The following CFAP299 variants were observed in gnomAD, a reference collection of about 807,000 sequenced individuals.
CFAP299 encodes cilia- and flagella-associated protein 299.
A neutral mutation model predicts 27.0 loss-of-function variants in CFAP299; 21 were observed. The ratio of observed to expected loss-of-function variants is 0.78; its 90% CI spans 0.55 to 1.12. The LOEUF is 1.12. Ranked by LOEUF, CFAP299 falls within the 50% of genes most tolerant of loss-of-function variation. CFAP299 has a pLI of 0.00. For synonymous variants in CFAP299, 104 were observed against 98.1 expected (o/e 1.06, Z -0.36); for missense variants, 310 against 276.6 (o/e 1.12, Z -0.86).
chr4:80,387,197 TG>T, intron 2 of CFAP299: 1 of 1,357,840 alleles, frequency 7.4e-7, no homozygotes, highest in Non-Finnish European at 1.1e-6. Flanking sequence ...GTGGGAGTAC[TG>T]GTGCACGCTC....
At chr4:80,867,488 C>T (rs997853338) in intron 3 of CFAP299, among the ~76,000 whole-genome samples, 1 of 152,170 alleles carries the variant, frequency 6.6e-6, no homozygotes, top group Non-Finnish European at 1.5e-5. Flanking sequence ...CTAAGGCTGA[C>T]ACTACAAAAT....
intron 2 of CFAP299, among the ~76,000 whole-genome samples, chr4:80,563,295 G>T (rs539952001): frequency 1.3e-5 from 2 of 152,078 alleles, no homozygotes; most frequent in East Asian, 1.9e-4. Context: ...CCATATGTTA[G>T]GTCACAAAAC....
chr4:80,622,806 A>G (rs1042528232), intron 3 of CFAP299, among the ~76,000 whole-genome samples: 3 of 152,176 alleles, frequency 2.0e-5, no homozygotes, highest in African/African-American at 7.2e-5. Flanking sequence ...GCTGACTCAC[A>G]TCATCTAAAA....
chr4:80,818,030 T>G (rs1729514202), intron 3 of CFAP299, among the ~76,000 whole-genome samples: 1 of 151,884 alleles, frequency 6.6e-6, no homozygotes. Context: ...CCAGTGTGAG[T>G]GTGGTAATTC....
intron 3 of CFAP299, among the ~76,000 whole-genome samples, chr4:80,598,772 G>A (rs1394602159): frequency 2.6e-5 from 4 of 152,150 alleles, no homozygotes; most frequent in South Asian, 2.1e-4. Flanking sequence ...ACTGCAAATC[G>A]TGTTTAAGCA....
At chr4:80,325,650 G>T in the CFAP299 span, among the ~76,000 whole-genome samples, 1 of 152,066 alleles carries the variant, frequency 6.6e-6, no homozygotes, top group Non-Finnish European at 1.5e-5. Context: ...CTGCCACATT[G>T]TTTCTTAGAA....
chr4:80,541,453 A>G, intron 2 of CFAP299, among the ~76,000 whole-genome samples: 1 of 152,332 alleles, frequency 6.6e-6, no homozygotes, highest in African/African-American at 2.4e-5. Context: ...TTGATGCAGT[A>G]TTATATATCA....
intron 3 of CFAP299, among the ~76,000 whole-genome samples, chr4:80,767,603 C>T (rs1222034299): frequency 1.3e-5 from 2 of 151,972 alleles, no homozygotes; most frequent in Non-Finnish European, 2.9e-5. Context: ...AGCGAGACTC[C>T]GTCTCAAAAA....
intron 3 of CFAP299, among the ~76,000 whole-genome samples, chr4:80,625,956 A>G (rs1339978987): frequency 1.3e-5 from 2 of 152,006 alleles, no homozygotes; most frequent in Admixed American, 1.3e-4. Flanking sequence ...TAAACACCCC[A>G]CTTCTGGAAA....
At chr4:80,331,221 T>C (rs1182049018), upstream of CFAP299, among the ~76,000 whole-genome samples, 1 of 152,168 alleles carries the variant, frequency 6.6e-6, no homozygotes, top group East Asian at 1.9e-4. Context: ...GAAAAAAGTC[T>C]GGTGTGGCTG....
At chr4:80,557,467 A>C (rs551268061) in intron 2 of CFAP299, among the ~76,000 whole-genome samples, 1 of 152,150 alleles carries the variant, frequency 6.6e-6, no homozygotes, top group South Asian at 2.1e-4. Context: ...TAAGATACTT[A>C]TACTATAGAA....
At chr4:80,858,044 T>C (rs1434657762) in intron 3 of CFAP299, among the ~76,000 whole-genome samples, 3 of 152,114 alleles carry the variant, frequency 2.0e-5, no homozygotes, top group Non-Finnish European at 4.4e-5. Flanking sequence ...TCCTGGACTC[T>C]TTTTGGTTGG....
intron 4 of CFAP299, among the ~76,000 whole-genome samples, chr4:80,912,753 C>A (rs965077324): frequency 3.7e-4 from 56 of 152,222 alleles, no homozygotes; most frequent in African/African-American, 1.2e-3. Context: ...CTCACATGAT[C>A]CCATAAAAGA....
At chr4:80,462,573 C>A (rs933664486) in intron 2 of CFAP299, among the ~76,000 whole-genome samples, 1 of 152,130 alleles carries the variant, frequency 6.6e-6, no homozygotes, top group African/African-American at 2.4e-5. Flanking sequence ...CTATCCCTTC[C>A]CCACCCCCAT....
intron 2 of CFAP299, among the ~76,000 whole-genome samples, chr4:80,581,511 C>T (rs72659877): frequency 0.038 from 4,030 of 107,316 alleles, 99 homozygotes; most frequent in Middle Eastern, 0.07. Context: ...GAAGATAAAG[C>T]CAGAAAAGCA....
At chr4:80,575,637 T>G (rs978786362) in intron 2 of CFAP299, among the ~76,000 whole-genome samples, 2 of 152,186 alleles carry the variant, frequency 1.3e-5, no homozygotes, top group African/African-American at 4.8e-5. Context: ...TCATTTCAAT[T>G]TAATTTATTT....
chr4:80,399,927 G>A (rs1014862953), intron 2 of CFAP299, among the ~76,000 whole-genome samples: 1 of 152,020 alleles, frequency 6.6e-6, no homozygotes, highest in Non-Finnish European at 1.5e-5. Context: ...AACCAGAGGC[G>A]TTTTTTGCTT....
chr4:80,427,002 C>G (rs1425168250), intron 2 of CFAP299, among the ~76,000 whole-genome samples: 1 of 151,994 alleles, frequency 6.6e-6, no homozygotes, highest in Non-Finnish European at 1.5e-5. Context: ...GGCTTATGTC[C>G]ATTCAAAATG....
At chr4:80,433,343 T>C (rs891413327) in intron 2 of CFAP299, among the ~76,000 whole-genome samples, 4 of 152,180 alleles carry the variant, frequency 2.6e-5, no homozygotes, top group Non-Finnish European at 4.4e-5. Flanking sequence ...TGTACAGCTG[T>C]GTATTCCTGA....
Sources: gnomAD v4.1 joint callset for allele counts (sites outside exome capture counted in the v4.1 genomes callset) on GRCh38, gnomAD v4.1.1 for gene constraint, MANE v1.5 for transcripts, NCBI Gene and HGNC (gene_info 2026-07-23, HGNC 2026-07-21) for gene names.